Variants in STYX observed in about 807,000 individuals in gnomAD.
STYX encodes serine/threonine/tyrosine-interacting protein.
STYX carries 20 observed loss-of-function variants against 42.7 expected under a neutral mutation model. That is an observed-to-expected ratio of 0.47 (90% CI 0.33 to 0.68). STYX has a LOEUF of 0.68. Among genes scored for constraint, STYX ranks in the 30% least tolerant of loss-of-function variants. The pLI is 0.02. For missense variants in STYX, 226 were observed against 268.5 expected, an observed-to-expected ratio of 0.84 and a Z score of 1.11; for synonymous variants, 78 against 81.9, an observed-to-expected ratio of 0.95 and a Z score of 0.26.
intron 1 of STYX, among the ~76,000 whole-genome samples, chr14:52,736,155 G>A (rs1880941373): frequency 6.6e-6 from 1 of 151,990 alleles, no homozygotes; most frequent in Non-Finnish European, 1.5e-5. Flanking sequence ...CCCTGCCTTG[G>A]CTGCCAGCAC....
At chr14:52,749,594 A>T (rs1310947819) in intron 3 of STYX, among the ~76,000 whole-genome samples, 1 of 152,350 alleles carries the variant, frequency 6.6e-6, no homozygotes, top group African/African-American at 2.4e-5. Context: ...TACATTTTAC[A>T]CATACTATGT....
chr14:52,736,769 A>G (rs1880970666), intron 1 of STYX, among the ~76,000 whole-genome samples: 1 of 152,214 alleles, frequency 6.6e-6, no homozygotes, highest in South Asian at 2.1e-4. Context: ...GAATGAAGCT[A>G]GATGATTCTA....
At chr14:52,744,717 T>G (rs1881327627) in intron 1 of STYX, 135 bp from the exon 2 acceptor site, 2 of 775,118 alleles carry the variant, frequency 2.6e-6, no homozygotes, top group Non-Finnish European at 4.1e-6. Context: ...AAACCAAGTC[T>G]GCTATTTTAA....
At chr14:52,748,724 A>G (rs1174869452) in intron 3 of STYX, among the ~76,000 whole-genome samples, 5 of 152,328 alleles carry the variant, frequency 3.3e-5, no homozygotes, top group African/African-American at 1.2e-4. Flanking sequence ...TTGTTTAAGC[A>G]TATTTATACA....
intron 1 of STYX, among the ~76,000 whole-genome samples, chr14:52,733,024 A>G (rs1037612763): frequency 3.3e-5 from 5 of 152,204 alleles, no homozygotes; most frequent in Non-Finnish European, 7.3e-5. Context: ...ACTGCAAGCA[A>G]CCTTACAAAT....
At position 52,764,116 on chromosome 14, in the gene STYX, C is replaced by T. The variant is rs371810059; in HGVS notation, c.504+4362C>T. Among the ~76,000 whole-genome samples, 78 of 152,160 alleles carry T rather than the reference C, an allele frequency of 5.1e-4. No homozygotes were observed. The East Asian group carries it at 0.015, about 29-fold the overall frequency. On this transcript the variant is annotated intron_variant, in intron 9 of 10. Coordinates refer to ENST00000354586, the MANE Select transcript of STYX (RefSeq NM_145251.4). Reference sequence around the variant, plus strand: ...CAAGTGATTCTCCTGCCTCAGCCTCCCAAGTAGCTGGGATTACAGGCATGC... The same window carrying T: ...CAAGTGATTCTCCTGCCTCAGCCTCTCAAGTAGCTGGGATTACAGGCATGC...
intron 9 of STYX, among the ~76,000 whole-genome samples, chr14:52,761,955 G>A (rs1882111532): frequency 6.6e-6 from 1 of 151,596 alleles, no homozygotes; most frequent in South Asian, 2.1e-4. Context: ...TGAGGCAGGA[G>A]AATTGCTTGA....
intron 1 of STYX, chr14:52,731,673 G>C (rs140880842): frequency 6.6e-6 from 1 of 151,892 alleles, no homozygotes; most frequent in Non-Finnish European, 1.5e-5. Flanking sequence ...CTGACCTTGT[G>C]ATCCGCCCGA....
intron 9 of STYX, among the ~76,000 whole-genome samples, chr14:52,764,774 T>A (rs1263690148): frequency 6.6e-6 from 1 of 150,500 alleles, no homozygotes; most frequent in East Asian, 2.0e-4. Flanking sequence ...GTTCAAGCGA[T>A]TCACACACCT....
At chr14:52,732,880 C>T (rs1260889009) in intron 1 of STYX, among the ~76,000 whole-genome samples, 1 of 151,858 alleles carries the variant, frequency 6.6e-6, no homozygotes, top group Non-Finnish European at 1.5e-5. Context: ...CATGTTGGCC[C>T]TGCTGGTCTG....
At chr14:52,738,932 C>T (rs1008859299) in intron 1 of STYX, among the ~76,000 whole-genome samples, 1 of 152,056 alleles carries the variant, frequency 6.6e-6, no homozygotes, top group Non-Finnish European at 1.5e-5. Flanking sequence ...TATACCTCTA[C>T]CCCCATGCTA....
chr14:52,740,740 G>A (rs775797208), intron 1 of STYX, among the ~76,000 whole-genome samples: 2 of 152,136 alleles, frequency 1.3e-5, no homozygotes, highest in African/African-American at 2.4e-5. Context: ...TGTGTAATCT[G>A]TCTTTTGTCT....
At position 52,730,513 on chromosome 14, in the gene STYX, G is replaced by T. The variant is rs199977346; in HGVS notation, c.39G>T (p.Gln13His). ...AGCTGGAGTTCCCTTCCCTTCCACA[G>T]TGCAAGGAAGACGCCGAGGTGAGTC... ...DVKLEFPSLP[Q>H]CKEDAEEWTY... Residue 13 changes from glutamine (Q) to histidine (H), a missense_variant, in exon 1 of 11, where the codon CAG becomes CAT. Gln to His is a conservative substitution (Grantham distance 24). Transcript: ENST00000354586. The T allele has an allele frequency of 2.0e-5, 32 of 1,613,682 alleles. No individual in the cohort carries two copies. The East Asian group carries it at 6.9e-4, about 35-fold the overall frequency.
chr14:52,751,818 T>C (rs1369022567), intron 4 of STYX, among the ~76,000 whole-genome samples: 1 of 152,230 alleles, frequency 6.6e-6, no homozygotes, highest in Non-Finnish European at 1.5e-5. Flanking sequence ...ACCTTGCTCC[T>C]ATCCTGGGAG....
chr14:52,745,123 G>GTT (rs34700601), intron 2 of STYX, among the ~76,000 whole-genome samples: 3 of 132,306 alleles, frequency 2.3e-5, no homozygotes, highest in Admixed American at 7.7e-5. Flanking sequence ...TTTTTTTTTT[G>GTT]TTTTTTTTTT....
chr14:52,752,615 A>G (rs1007580355), intron 4 of STYX, among the ~76,000 whole-genome samples: 1 of 152,192 alleles, frequency 6.6e-6, no homozygotes, highest in African/African-American at 2.4e-5. Flanking sequence ...AAATATATGT[A>G]TGTGTTTGGA....
intron 1 of STYX, among the ~76,000 whole-genome samples, chr14:52,742,585 T>G (rs1337146986): frequency 6.6e-6 from 1 of 152,142 alleles, no homozygotes; most frequent in African/African-American, 2.4e-5. Context: ...TCAGGCAGTG[T>G]GTCATCAAAA....
chr14:52,740,970 T>G (rs1165043197), intron 1 of STYX, among the ~76,000 whole-genome samples: 1 of 152,190 alleles, frequency 6.6e-6, no homozygotes, highest in East Asian at 1.9e-4. Context: ...TCCTTGCTCT[T>G]GAACTTGATA....
intron 9 of STYX, among the ~76,000 whole-genome samples, chr14:52,767,351 T>C (rs1172284880): frequency 6.6e-6 from 1 of 152,218 alleles, no homozygotes; most frequent in East Asian, 1.9e-4. Context: ...ATGAGGGGAA[T>C]GCAAACATTC....
Sources: gnomAD v4.1 joint callset for allele counts (sites outside exome capture counted in the v4.1 genomes callset) on GRCh38, gnomAD v4.1.1 for gene constraint, MANE v1.5 for transcripts, NCBI Gene and HGNC (gene_info 2026-07-23, HGNC 2026-07-21) for gene names.